GRM5: variants seen among roughly 807,000 people sequenced by gnomAD.
GRM5 encodes the protein glutamate metabotropic receptor 5.
GRM5 carries 19 observed loss-of-function variants against 83.1 expected under a neutral mutation model. That is an observed-to-expected ratio of 0.23 (90% CI 0.16 to 0.34). The LOEUF is 0.34. Among genes scored for constraint, GRM5 ranks in the 10% least tolerant of loss-of-function variants. The pLI, the probability that GRM5 is intolerant of heterozygous loss-of-function variation, is 1.00. For missense variants in GRM5, 1,160 were observed against 1,588.3 expected, an observed-to-expected ratio of 0.73 and a Z score of 4.58; for synonymous variants, 675 against 633.6, an observed-to-expected ratio of 1.07 and a Z score of -0.98.
At chr11:88,577,387 A>T (rs1943134611) in intron 7 of GRM5, among the ~76,000 whole-genome samples, 1 of 152,148 alleles carries the variant, frequency 6.6e-6, no homozygotes, top group Non-Finnish European at 1.5e-5. Flanking sequence ...GGAAAGATTA[A>T]TGCCTCATCC....
At chr11:89,025,086 T>G (rs1413003177) in intron 2 of GRM5, among the ~76,000 whole-genome samples, 1 of 152,364 alleles carries the variant, frequency 6.6e-6, no homozygotes, top group East Asian at 1.9e-4. Flanking sequence ...CACGTTATAC[T>G]GGCTTCATTT....
chr11:89,030,901 T>C (rs1345966765), intron 2 of GRM5, among the ~76,000 whole-genome samples: 8 of 152,040 alleles, frequency 5.3e-5, no homozygotes, highest in African/African-American at 1.7e-4. Context: ...TGATTCTAAA[T>C]ATAAATGTGT....
intron 3 of GRM5, among the ~76,000 whole-genome samples, chr11:88,814,394 G>A (rs1253639262): frequency 2.0e-5 from 3 of 152,126 alleles, no homozygotes; most frequent in African/African-American, 7.2e-5. Context: ...CTGAATGTGA[G>A]TTAGCCATTA....
intron 3 of GRM5, among the ~76,000 whole-genome samples, chr11:88,674,664 T>A (rs149306599): frequency 6.6e-6 from 1 of 151,888 alleles, no homozygotes; most frequent in African/African-American, 2.4e-5. Flanking sequence ...ATCTGCTCCT[T>A]CCAGAGACAA....
intron 3 of GRM5, among the ~76,000 whole-genome samples, chr11:88,778,946 G>T (rs1942917901): frequency 6.6e-6 from 1 of 152,080 alleles, no homozygotes; most frequent in Admixed American, 6.6e-5. Context: ...TGCCCTTCTG[G>T]GTTAAATAAA....
At chr11:88,763,748 C>G (rs1942574232) in intron 3 of GRM5, among the ~76,000 whole-genome samples, 1 of 151,426 alleles carries the variant, frequency 6.6e-6, no homozygotes, top group African/African-American at 2.4e-5. Context: ...AATAAGATAG[C>G]TATAGAGTAT....
Position 88,849,988 on chromosome 11 carries a change from A to G in GRM5, c.829T>C (p.Phe277Leu), listed in dbSNP as rs1356173658. 6.2e-7 allele frequency: 1 copy of G among 1,614,022 alleles called. No homozygotes were observed. ...CCTCTCACCGTCATGCCCTCACAGA[A>G]GCAGGCCACCACCCGGGCCTTGGGC... ...HLPKARVVAC[F>L]CEGMTVRGLL... Residue 277 changes from phenylalanine to leucine, a missense_variant, in exon 3 of 10, where the codon TTC becomes CTC. Coordinates refer to ENST00000305447, the MANE Select transcript of GRM5 (RefSeq NM_001143831.3).
intron 2 of GRM5, among the ~76,000 whole-genome samples, chr11:88,951,908 G>A (rs1938477603): frequency 6.6e-6 from 1 of 152,122 alleles, no homozygotes; most frequent in Non-Finnish European, 1.5e-5. Context: ...TCAAGCACGG[G>A]TTTCATTCAG....
chr11:88,631,091 G>A (rs1418003768), intron 4 of GRM5, among the ~76,000 whole-genome samples: 2 of 152,284 alleles, frequency 1.3e-5, no homozygotes, highest in Middle Eastern at 3.4e-3. Context: ...GGCCAACCAT[G>A]AGGGCTGTGG....
intron 5 of GRM5, among the ~76,000 whole-genome samples, chr11:88,599,092 C>T (rs1937903509): frequency 6.6e-6 from 1 of 152,158 alleles, no homozygotes; most frequent in Non-Finnish European, 1.5e-5. Context: ...GCTAAGAGAT[C>T]ATATTTTCCT....
intron 3 of GRM5, among the ~76,000 whole-genome samples, chr11:88,710,595 T>C (rs1941261015): frequency 6.6e-6 from 1 of 152,140 alleles, no homozygotes; most frequent in African/African-American, 2.4e-5. Flanking sequence ...ATAATAGGAC[T>C]CTAAAGGATA....
At chr11:88,911,726 T>C (rs1272076314) in intron 2 of GRM5, among the ~76,000 whole-genome samples, 2 of 152,108 alleles carry the variant, frequency 1.3e-5, no homozygotes, top group African/African-American at 4.8e-5. Flanking sequence ...GGTTTACACA[T>C]TGTGTTGCCT....
Position 88,751,326 on chromosome 11 carries a change from C to T in GRM5, c.912-97923G>A, listed in dbSNP as rs9735573. 6.9e-3 allele frequency among the ~76,000 whole-genome samples: 1,057 copies of T among 152,190 alleles called. 13 individuals are homozygous for T. Among genetic ancestry groups the T allele is most frequent in the African/African-American group, 0.024 (995 of 41,528 alleles). On this transcript the variant is annotated intron_variant, in intron 3 of 9. Transcript: ENST00000305447. ...CAACCATCAGAGAATATTATAAACA[C>T]CTCTATGCACATAAACTAGAAAATC... is the stretch of plus-strand genomic sequence containing the variant.
intron 8 of GRM5, among the ~76,000 whole-genome samples, chr11:88,537,713 A>G (rs1942167539): frequency 6.6e-6 from 1 of 152,216 alleles, no homozygotes; most frequent in African/African-American, 2.4e-5. Context: ...GGAATGATTT[A>G]CTAGATATTC....
chr11:88,758,522 AC>A (rs1265915903), intron 3 of GRM5, among the ~76,000 whole-genome samples: 1 of 152,218 alleles, frequency 6.6e-6, no homozygotes, highest in Non-Finnish European at 1.5e-5. Flanking sequence ...CTGAAATAAG[AC>A]AGTCAGAGAA....
In GRM5 at chr11:88,509,224, C is replaced by A; in HGVS notation, c.3007G>T (p.Val1003Leu). Residue 1003 changes from valine (V) to leucine (L), a missense_variant, in exon 10 of 10, where the codon GTG (valine) becomes TTG (leucine). Physicochemically the swap from Val to Leu is conservative, Grantham distance 32. Coordinates refer to ENST00000305447, the MANE Select transcript of GRM5 (RefSeq NM_001143831.3). ...GGGAAGTGCTCCTCAGCCTCGGCCA[C>A]ATCATACAGCGCCTTGGGGCCGGCG... The part of the protein sequence containing the change: ...PDAGPKALYD[V>L]AEAEEHFPAP... 2 of 1,526,308 alleles carry A rather than the reference C, an allele frequency of 1.3e-6. No homozygotes were observed. 94.5% of individuals were successfully genotyped at this position (1,526,308 alleles called of 1,614,324 possible).
Position 88,567,658 on chromosome 11 carries a change from G to T in GRM5, c.2025C>A (p.Gly675=). 6.2e-7 allele frequency: 1 copy of T among 1,614,120 alleles called. No homozygotes were observed. The highest frequency in any genetic ancestry group is 8.5e-7 in the Non-Finnish European group (1 of 1,179,970). Residue 675 remains glycine (G), a synonymous_variant, in exon 8 of 10, where the codon GGC becomes GGA. Coordinates refer to ENST00000305447, the MANE Select transcript of GRM5 (RefSeq NM_001143831.3). The surrounding 1 kb of genome is among the most constrained non-coding windows in gnomAD (Gnocchi z 7.3). The part of the protein sequence containing the change: ...KTNRIARILA[G]SKKKICTKKP... ...TTTTGGTACAGATCTTCTTCTTGCT[G>T]CCAGCCAGGATCCTTGCAATACGGT...
chr11:89,042,527 T>G (rs1388873970), intron 2 of GRM5, among the ~76,000 whole-genome samples: 1 of 152,184 alleles, frequency 6.6e-6, no homozygotes, highest in Non-Finnish European at 1.5e-5. Context: ...GAATAGTAAT[T>G]TATGTGTCTT....
chr11:88,534,224 C>G (rs775332777), intron 8 of GRM5, among the ~76,000 whole-genome samples: 17 of 152,186 alleles, frequency 1.1e-4, no homozygotes, highest in Non-Finnish European at 2.1e-4. Flanking sequence ...AAGAAGAGGG[C>G]TGCTGTCCTC....
Sources: gnomAD v4.1 joint callset for allele counts (sites outside exome capture counted in the v4.1 genomes callset) on GRCh38, gnomAD v4.1.1 for gene constraint, Gnocchi (gnomAD v3.1) non-coding constraint, MANE v1.5 for transcripts, NCBI Gene and HGNC (gene_info 2026-07-23, HGNC 2026-07-21) for gene names.